The following YTHDF3 variants were observed in gnomAD, a reference collection of about 807,000 sequenced individuals.
YTHDF3 encodes the protein YTH domain-containing family protein 3.
In YTHDF3, 9 loss-of-function variants were observed where a neutral mutation model predicts 52.5. The observed-to-expected ratio is 0.17, with a 90% confidence interval of 0.10 to 0.30. The LOEUF (loss-of-function observed/expected upper bound fraction) is 0.30. YTHDF3 is among the 10% of genes least tolerant of loss of function. YTHDF3 has a pLI of 1.00. For missense variants in YTHDF3, 534 were observed against 715.0 expected (o/e 0.75, Z 2.89); for synonymous variants, 274 against 243.3 (o/e 1.13, Z -1.18).
intron 4 of YTHDF3, among the ~76,000 whole-genome samples, chr8:63,196,132 G>T (rs1341995468): frequency 6.6e-6 from 1 of 151,958 alleles, no homozygotes; most frequent in Non-Finnish European, 1.5e-5. Flanking sequence ...GTGGTGGCAA[G>T]TGCCAGTATT....
Position 63,208,144 on chromosome 8 carries a change from C to T in YTHDF3, c.1735-1539C>T, listed in dbSNP as rs114034926. On this transcript the variant is annotated intron_variant, in intron 4 of 4. Coordinates refer to ENST00000539294, the MANE Select transcript of YTHDF3 (RefSeq NM_152758.6). ...AGTCTTCCATTTCAATGTATCTCAC[C>T]GATACTCGTTAGTCTATGAAATAGT... Among the ~76,000 whole-genome samples the T allele has an allele frequency of 6.3e-3, 965 of 152,082 alleles. 7 individuals carry two copies. Among genetic ancestry groups the T allele is most frequent in the African/African-American group, 0.022 (902 of 41,476 alleles).
intron 2 of YTHDF3, 163 bp downstream of exon 2, chr8:63,169,574 C>A (rs1807145907): frequency 2.8e-6 from 2 of 714,530 alleles, no homozygotes; most frequent in South Asian, 3.9e-5. Context: ...TCCAGAACTT[C>A]GGTAGTTCGT....
chr8:63,204,122 C>T (rs954918207), intron 4 of YTHDF3, among the ~76,000 whole-genome samples: 1 of 152,068 alleles, frequency 6.6e-6, no homozygotes, highest in Non-Finnish European at 1.5e-5. Context: ...GTTTGTCACC[C>T]TTCTGTTTGT....
chr8:63,173,202 T>TTATATTTATATATATATATATA (rs1554533377), intron 2 of YTHDF3, among the ~76,000 whole-genome samples: 1 of 125,918 alleles, frequency 7.9e-6, no homozygotes, highest in African/African-American at 4.0e-5. Flanking sequence ...AGGATTATAT[T>TTATATTTATATATATATATATA]TATATATATA....
Position 63,186,335 on chromosome 8 carries a change from A to G in YTHDF3, c.324A>G (p.Gln108=). ...HHYIPDGVFS[Q]PGALGNTPPF... is the part of the protein sequence containing the mutation. ...ATATACCAGATGGTGTATTTAGTCA[A>G]CCTGGGGCATTAGGAAATACCCCTC... is the stretch of plus-strand genomic sequence containing the variant. The change falls in exon 4 of 5, where the codon CAA becomes CAG. Residue 108 remains glutamine, a synonymous_variant. Transcript: ENST00000539294. 6.2e-7 allele frequency: 1 copy of G among 1,614,046 alleles called. No individual in the cohort carries two copies. Among genetic ancestry groups the G allele is most frequent in the Non-Finnish European group, 8.5e-7 (1 of 1,179,902 alleles).
intron 2 of YTHDF3, among the ~76,000 whole-genome samples, chr8:63,169,672 A>AG (rs1477945293): frequency 6.6e-6 from 1 of 152,154 alleles, no homozygotes; most frequent in Non-Finnish European, 1.5e-5. Flanking sequence ...ACCTGGTGGT[A>AG]TTTCTTTGGT....
chr8:63,180,094 C>T (rs1327746260), intron 3 of YTHDF3, among the ~76,000 whole-genome samples: 7 of 151,058 alleles, frequency 4.6e-5, no homozygotes, highest in African/African-American at 9.7e-5. Context: ...ACCTCCCTCC[C>T]GGACGAGGTG....
At chr8:63,176,850 G>C (rs1005148234) in intron 3 of YTHDF3, among the ~76,000 whole-genome samples, 10 of 151,334 alleles carry the variant, frequency 6.6e-5, no homozygotes, top group Non-Finnish European at 1.0e-4. Flanking sequence ...GCTACTTTTT[G>C]TATTTTTTAG....
At chr8:63,177,571 T>C (rs1016057396) in intron 3 of YTHDF3, among the ~76,000 whole-genome samples, 4 of 152,184 alleles carry the variant, frequency 2.6e-5, no homozygotes, top group Non-Finnish European at 5.9e-5. Context: ...GAAATCTTAA[T>C]ATTAGGAGGT....
At chr8:63,171,306 A>G (rs1807309193) in intron 2 of YTHDF3, among the ~76,000 whole-genome samples, 1 of 152,118 alleles carries the variant, frequency 6.6e-6, no homozygotes, top group Non-Finnish European at 1.5e-5. Context: ...TAATTCCCAT[A>G]ATTCCTATAG....
At chr8:63,185,350 G>A (rs1330512579) in intron 3 of YTHDF3, among the ~76,000 whole-genome samples, 1 of 151,480 alleles carries the variant, frequency 6.6e-6, no homozygotes, top group Non-Finnish European at 1.5e-5. Flanking sequence ...AGTGAAGGTT[G>A]ATTTAATTGC....
chr8:63,191,214 A>G (rs1808891760), intron 4 of YTHDF3, among the ~76,000 whole-genome samples: 1 of 152,202 alleles, frequency 6.6e-6, no homozygotes, highest in African/African-American at 2.4e-5. Flanking sequence ...GAAAACGTGT[A>G]CAATATGAAT....
At chr8:63,202,285 G>A (rs550578932) in intron 4 of YTHDF3, among the ~76,000 whole-genome samples, 2 of 152,126 alleles carry the variant, frequency 1.3e-5, no homozygotes, top group African/African-American at 4.8e-5. Flanking sequence ...TGCAGAATTG[G>A]TTTGTTTCCT....
rs571769396 is a variant in YTHDF3 at position 63,205,235 on chromosome 8, A to G, written c.1735-4448A>G. ...TGTCTAAAGCGTCTTTTTCTAAACT[A>G]TAACTAGGGACTTAGTCCTTCTCCG... is the stretch of plus-strand genomic sequence containing the variant. On this transcript the variant is annotated intron_variant, in intron 4 of 4. Transcript: ENST00000539294. Among the ~76,000 whole-genome samples the G allele has an allele frequency of 8.5e-5, 13 of 152,284 alleles. No individual in the cohort carries two copies. The South Asian group carries it at 1.0e-3, about 12-fold the overall frequency.
At chr8:63,192,731 T>C (rs1808991153) in intron 4 of YTHDF3, among the ~76,000 whole-genome samples, 1 of 152,152 alleles carries the variant, frequency 6.6e-6, no homozygotes, top group Non-Finnish European at 1.5e-5. Flanking sequence ...AGGAAGGATG[T>C]GCTGCCTGTC....
intron 4 of YTHDF3, among the ~76,000 whole-genome samples, chr8:63,188,351 G>A (rs964139370): frequency 2.7e-5 from 4 of 150,396 alleles, no homozygotes; most frequent in African/African-American, 9.7e-5. Context: ...TTTTTTTTCA[G>A]ACAGGGTCTC....
intron 2 of YTHDF3, among the ~76,000 whole-genome samples, chr8:63,173,051 T>C (rs568323820): frequency 1.5e-3 from 227 of 152,118 alleles, no homozygotes; most frequent in African/African-American, 5.3e-3. Context: ...AGATTGACTT[T>C]TTGTACTATA....
rs887965055 is a variant in YTHDF3, at chr8:63,210,923, A to T, written c.*1217A>T. 1.1e-4 allele frequency: 17 copies of T among 152,668 alleles called. No individual in the cohort carries two copies. The highest frequency in any genetic ancestry group is 3.8e-4 in the African/African-American group (16 of 41,570). The allele number at this position is 152,668 out of a possible 1,614,324, so 9.5% of individuals were successfully genotyped here. On this transcript the variant is annotated 3_prime_UTR_variant, in exon 5 of 5. Transcript: ENST00000539294. ...ATTAAATGTGTCAAGCATCTGTATT[A>T]ATTGATTTGATGGCATAAGGTTATG... is the stretch of plus-strand genomic sequence containing the variant.
chr8:63,173,243 CTT>C (rs1188215413), intron 2 of YTHDF3, among the ~76,000 whole-genome samples: 12 of 115,938 alleles, frequency 1.0e-4, no homozygotes, highest in Admixed American at 8.6e-5. Context: ...GTACTTTTTC[CTT>C]TTTTTTTTTT....
Sources: gnomAD v4.1 joint callset for allele counts (sites outside exome capture counted in the v4.1 genomes callset) on GRCh38, gnomAD v4.1.1 for gene constraint, MANE v1.5 for transcripts, NCBI Gene and HGNC (gene_info 2026-07-23, HGNC 2026-07-21) for gene names.